The following U2SURP variants were observed in gnomAD, a reference collection of about 807,000 sequenced individuals.
U2SURP encodes U2 snRNP associated SURP domain containing.
Under a neutral mutation model 144.9 loss-of-function variants are expected in U2SURP, and 9 were observed. That is an observed-to-expected ratio of 0.06 (90% CI 0.04 to 0.11). The LOEUF is 0.11. U2SURP is among the 10% of genes least tolerant of loss of function. The probability of loss-of-function intolerance (pLI) is 1.00; values close to 1 mark genes in which losing one functional copy is unlikely to be tolerated. For missense variants in U2SURP, 724 were observed against 1,226.7 expected, an observed-to-expected ratio of 0.59 and a Z score of 6.12; for synonymous variants, 408 against 396.8, an observed-to-expected ratio of 1.03 and a Z score of -0.33.
intron 1 of U2SURP, among the ~76,000 whole-genome samples, chr3:143,001,982 ATC>A (rs1358632579): frequency 6.6e-6 from 1 of 152,244 alleles, no homozygotes; most frequent in Non-Finnish European, 1.5e-5. Context: ...GCTCTCCTGT[ATC>A]TCAGCTTCCT....
chr3:143,040,085 AT>A (rs1314610112), intron 23 of U2SURP, among the ~76,000 whole-genome samples: 2 of 151,888 alleles, frequency 1.3e-5, no homozygotes, highest in African/African-American at 4.8e-5. Context: ...CCATTTTAGA[AT>A]CACTGCTTTA....
At chr3:143,026,921 C>A in intron 13 of U2SURP, 1 of 375,240 alleles carries the variant, frequency 2.7e-6, no homozygotes, top group Non-Finnish European at 4.8e-6. Flanking sequence ...TTGTGGTTTC[C>A]TACCCTCCCT....
At chr3:143,016,435 A>C (rs1433829084) in intron 5 of U2SURP, 64 bp downstream of exon 5, 1 of 1,429,562 alleles carries the variant, frequency 7.0e-7, no homozygotes, top group Admixed American at 2.0e-5. Context: ...AGCGAGCCCC[A>C]TCTTGGTTGA....
At chr3:143,008,215 C>T (rs1482563380) in intron 1 of U2SURP, among the ~76,000 whole-genome samples, 3 of 152,228 alleles carry the variant, frequency 2.0e-5, no homozygotes, top group Middle Eastern at 3.4e-3. Context: ...TGAATGGTTA[C>T]GCAAGTGAGA....
chr3:143,046,328 AT>A (rs1207414874), intron 24 of U2SURP, among the ~76,000 whole-genome samples: 14 of 34,726 alleles, frequency 4.0e-4, no homozygotes, highest in African/African-American at 7.8e-4. Flanking sequence ...TTTATTTTTT[AT>A]TTTTTTTTTT....
At position 143,001,654 on chromosome 3, in the gene U2SURP, C is replaced by T. The variant is rs560427922; in HGVS notation, c.26C>T (p.Ser9Phe). MADKTPGG[S>F]QKASSKTRSS... ...ATGGCGGACAAAACGCCAGGCGGAT[C>T]TCAGAAGGCCAGTTCAAAGGTAATT... is the stretch of plus-strand genomic sequence containing the variant. The change falls in exon 1 of 28, where the codon TCT (serine) becomes TTT (phenylalanine). Residue 9 changes from serine (S) to phenylalanine (F), a missense_variant. Physicochemically the swap from Ser to Phe is radical, Grantham distance 155. Coordinates refer to ENST00000473835, the MANE Select transcript of U2SURP (RefSeq NM_001080415.2). 1.2e-6 allele frequency: 2 copies of T among 1,614,030 alleles called. No homozygotes were observed. Among genetic ancestry groups the T allele is most frequent in the South Asian group, 1.1e-5 (1 of 91,068 alleles).
At chr3:143,047,547 C>T (rs1578167926) in intron 24 of U2SURP, among the ~76,000 whole-genome samples, 1 of 40,106 alleles carries the variant, frequency 2.5e-5, no homozygotes, top group South Asian at 1.0e-3. Flanking sequence ...CCTCACCTCC[C>T]GGACGGGGCG....
At chr3:143,003,296 T>G (rs192989963) in intron 1 of U2SURP, among the ~76,000 whole-genome samples, 151 of 152,356 alleles carry the variant, frequency 9.9e-4, no homozygotes, top group Non-Finnish European at 1.6e-3. Context: ...AATCAGAATA[T>G]CTTAACTAAT....
chr3:143,046,421 A>C (rs1350326853), intron 24 of U2SURP, among the ~76,000 whole-genome samples: 1 of 137,214 alleles, frequency 7.3e-6, no homozygotes, highest in Admixed American at 7.3e-5. Context: ...CAGCAGATAA[A>C]CAAGTGAACA....
intron 23 of U2SURP, among the ~76,000 whole-genome samples, chr3:143,041,364 G>A (rs938662925): frequency 2.6e-5 from 4 of 151,852 alleles, no homozygotes; most frequent in Non-Finnish European, 5.9e-5. Flanking sequence ...GAAATATTAA[G>A]TAAAACTTTT....
In U2SURP at chr3:143,016,944, C is replaced by A; in HGVS notation, c.539C>A (p.Pro180Gln). 6.3e-7 allele frequency: 1 copy of A among 1,589,296 alleles called. No homozygotes were observed. The highest frequency in any genetic ancestry group is 8.5e-7 in the Non-Finnish European group (1 of 1,171,932). Residue 180 changes from proline to glutamine, a missense_variant, in exon 6 of 28, where the codon CCA becomes CAA. Coordinates refer to ENST00000473835, the MANE Select transcript of U2SURP (RefSeq NM_001080415.2). ...AATCAGTCTTCCAATGAAAGACCACCATCTCTTCTTGTGATAGAAACCAAA... is the reference window on the plus strand; with the variant it reads ...AATCAGTCTTCCAATGAAAGACCACAATCTCTTCTTGTGATAGAAACCAAA... ...PPNQSSNERP[P>Q]SLLVIETKKP...
intron 23 of U2SURP, among the ~76,000 whole-genome samples, chr3:143,040,600 A>G (rs921064679): frequency 6.6e-5 from 10 of 151,836 alleles, no homozygotes; most frequent in African/African-American, 2.4e-4. Flanking sequence ...AAGCAGTTTC[A>G]TTTGTATTGA....
At chr3:143,023,203 C>A in intron 12 of U2SURP, 139 bp downstream of exon 12, 1 of 675,304 alleles carries the variant, frequency 1.5e-6, no homozygotes, top group Non-Finnish European at 2.4e-6. Context: ...AGATGTGTTC[C>A]CTGCCTTAGC....
intron 6 of U2SURP, among the ~76,000 whole-genome samples, chr3:143,017,774 C>T (rs1044180313): frequency 3.9e-5 from 6 of 151,948 alleles, no homozygotes; most frequent in Non-Finnish European, 7.4e-5. Flanking sequence ...CAATGTAGTC[C>T]CATGCCCAGC....
rs780870469 is a variant in U2SURP at position 143,023,050 on chromosome 3, G to C, written c.1216G>C (p.Glu406Gln). 2 of 1,602,044 alleles carry C rather than the reference G, an allele frequency of 1.2e-6. No individual in the cohort carries two copies. Among genetic ancestry groups the C allele is most frequent in the Admixed American group, 3.5e-5 (2 of 57,810 alleles). ...APMLPPPKNK[E>Q]DFEKTLSQAI... ...TATGTTACCGCCACCTAAAAACAAA[G>C]AGGATTTTGAGAAGGTAATTTAAAA... is the stretch of plus-strand genomic sequence containing the variant. Residue 406 changes from glutamate (E) to glutamine (Q), a missense_variant, in exon 12 of 28, where the codon GAG becomes CAG. By Grantham distance (29) the Glu-to-Gln change is conservative (BLOSUM62 2). This residue lies in a region of U2SURP where 64 missense variants were observed against 164.1 expected (regional missense o/e 0.39). Coordinates refer to ENST00000473835, the MANE Select transcript of U2SURP (RefSeq NM_001080415.2).
Position 143,058,106 on chromosome 3 carries a change from A to C in U2SURP, c.*1656A>C, listed in dbSNP as rs1325362739. 1 of 152,418 alleles carries C rather than the reference A, an allele frequency of 6.6e-6. No homozygotes were observed. The highest frequency in any genetic ancestry group is 1.9e-4 in the East Asian group (1 of 5,202). The allele number at this position is 152,418 out of a possible 1,614,324, so 9.4% of individuals were successfully genotyped here. A position where few individuals can be genotyped will look rare whatever the true frequency, so the allele number is the denominator to read the frequency against. On this transcript the variant is annotated 3_prime_UTR_variant, in exon 28 of 28. Coordinates refer to ENST00000473835, the MANE Select transcript of U2SURP (RefSeq NM_001080415.2). ...TTGGTGCTGATACTCAAAAACCTAC[A>C]AATGTAGCCATTTAAAAAGTAACAT...
At position 143,010,293 on chromosome 3, in the gene U2SURP, C is replaced by T. The variant is rs139027381; in HGVS notation, c.46-522C>T. Among the ~76,000 whole-genome samples the T allele has an allele frequency of 8.1e-3, 1,234 of 152,296 alleles. 20 individuals are homozygous for T. Among genetic ancestry groups the T allele is most frequent in the African/African-American group, 0.028 (1,167 of 41,542 alleles). Reference sequence around the variant, plus strand: ...TGCTATCGAATCATCTCCCTTAAAACGAGTTGTAAATGGTGCCTTATTGGG... The same window carrying T: ...TGCTATCGAATCATCTCCCTTAAAATGAGTTGTAAATGGTGCCTTATTGGG... On this transcript the variant is annotated intron_variant, in intron 1 of 27. Coordinates refer to ENST00000473835, the MANE Select transcript of U2SURP (RefSeq NM_001080415.2).
chr3:143,020,717 G>T (rs773336713), intron 8 of U2SURP, 24 bp downstream of exon 8: 1 of 1,559,296 alleles, frequency 6.4e-7, no homozygotes, highest in Non-Finnish European at 8.8e-7. Context: ...ATTTTAATGT[G>T]TATGCTTGTG....
intron 27 of U2SURP, among the ~76,000 whole-genome samples, chr3:143,055,742 GTA>G (rs1014892133): frequency 9.2e-5 from 14 of 151,938 alleles, no homozygotes; most frequent in African/African-American, 3.4e-4. Flanking sequence ...AATGGCACCT[GTA>G]TATATATGTA....
Sources: allele counts gnomAD v4.1 joint callset (sites outside exome capture counted in the v4.1 genomes callset), GRCh38; gene constraint gnomAD v4.1.1; regional missense constraint gnomAD v4.1.1; transcripts MANE v1.5; gene names NCBI Gene and HGNC (gene_info 2026-07-23, HGNC 2026-07-21).